TDRP: variants seen among roughly 807,000 people sequenced by gnomAD.
TDRP encodes testis development related protein.
In TDRP, 12 loss-of-function variants were observed where a neutral mutation model predicts 10.5. The observed-to-expected ratio is 1.15, with a 90% confidence interval of 0.73 to 1.86. The LOEUF (loss-of-function observed/expected upper bound fraction) is 1.86. TDRP is among the 40% of genes most tolerant of loss of function. The pLI is 0.00. For missense variants in TDRP, 353 were observed against 229.2 expected (o/e 1.54, Z -3.49); for synonymous variants, 139 against 95.4 (o/e 1.46, Z -2.67).
chr8:491,986 A>C lies in TDRP; in HGVS notation c.*413T>G, dbSNP rs1800989807. 5.4e-6 allele frequency: 6 copies of C among 1,120,126 alleles called. No homozygotes were observed. The highest frequency in any genetic ancestry group is 7.3e-5 in the South Asian group (2 of 27,258). The allele number at this position is 1,120,126 out of a possible 1,614,324, so 69.4% of individuals were successfully genotyped here. ...CCTGACTAATTTTCTAGCAAAAGAA[A>C]AGAACTGCATGACAGCTGCATTTAT... On this transcript the variant is annotated 3_prime_UTR_variant, in exon 3 of 3. Transcript: ENST00000324079.
intron 1 of TDRP, among the ~76,000 whole-genome samples, chr8:529,756 CTT>C (rs1802137637): frequency 1.3e-5 from 2 of 152,148 alleles, no homozygotes; most frequent in Non-Finnish European, 2.9e-5. Context: ...TGGGAGCTCC[CTT>C]GTTATATGAC....
chr8:536,211 G>C (rs1038169411), intron 1 of TDRP, among the ~76,000 whole-genome samples: 5 of 152,156 alleles, frequency 3.3e-5, no homozygotes, highest in African/African-American at 4.8e-5. Context: ...ACACAGTTGA[G>C]ACACCTGGAA....
chr8:497,316 A>C (rs1214932059), intron 1 of TDRP, among the ~76,000 whole-genome samples: 1 of 152,194 alleles, frequency 6.6e-6, no homozygotes, highest in African/African-American at 2.4e-5. Flanking sequence ...AACTTATCGG[A>C]AACTGGAGTA....
chr8:538,241 T>G (rs950154366), intron 1 of TDRP, among the ~76,000 whole-genome samples: 1 of 152,116 alleles, frequency 6.6e-6, no homozygotes, highest in Non-Finnish European at 1.5e-5. Flanking sequence ...TTGCTACAGG[T>G]GGGCCAAGAA....
In TDRP at chr8:518,293, G is replaced by C. The variant is rs117360527; in HGVS notation, c.109-23696C>G. On this transcript the variant is annotated intron_variant, in intron 1 of 2. Coordinates refer to ENST00000324079, the MANE Select transcript of TDRP (RefSeq NM_001384899.1). ...GTGAACTTGAAACTGCTATAAAAAA[G>C]AGTCTATTGAAAAAGAGAAGATGAC... Among the ~76,000 whole-genome samples, 69 of 152,188 alleles carry C rather than the reference G, an allele frequency of 4.5e-4. 1 individual carries two copies. The East Asian group carries it at 9.5e-3, about 21-fold the overall frequency.
intron 1 of TDRP, among the ~76,000 whole-genome samples, chr8:505,765 C>T (rs1011793673): frequency 6.6e-5 from 10 of 152,246 alleles, no homozygotes; most frequent in Non-Finnish European, 1.5e-5. Flanking sequence ...TCGTGAGCTG[C>T]TGTGTAAACA....
At chr8:506,592 C>G (rs1801471436) in intron 1 of TDRP, among the ~76,000 whole-genome samples, 1 of 152,194 alleles carries the variant, frequency 6.6e-6, no homozygotes, top group Admixed American at 6.5e-5. Flanking sequence ...TTCCTGGGCT[C>G]GAGAGGTGAC....
intron 1 of TDRP, among the ~76,000 whole-genome samples, chr8:531,392 T>A (rs1241209010): frequency 6.6e-6 from 1 of 152,158 alleles, no homozygotes; most frequent in Non-Finnish European, 1.5e-5. Context: ...TTATGGTGAA[T>A]TGGGCACCCG....
intron 1 of TDRP, among the ~76,000 whole-genome samples, chr8:537,787 T>G (rs1243696073): frequency 6.6e-6 from 1 of 152,170 alleles, no homozygotes; most frequent in African/African-American, 2.4e-5. Flanking sequence ...GACTCCAAGT[T>G]GCAAATCCTG....
At chr8:525,432 A>C (rs1802010281) in intron 1 of TDRP, among the ~76,000 whole-genome samples, 1 of 152,238 alleles carries the variant, frequency 6.6e-6, no homozygotes, top group Non-Finnish European at 1.5e-5. Context: ...ACTGTATTAT[A>C]CTGTTAAAGT....
intron 1 of TDRP, among the ~76,000 whole-genome samples, chr8:537,634 A>G (rs981923371): frequency 2.6e-5 from 4 of 152,172 alleles, no homozygotes; most frequent in African/African-American, 7.2e-5. Flanking sequence ...TTGGTCTTGT[A>G]AACAAGTAAG....
chr8:503,738 C>G (rs1270259868), intron 1 of TDRP, among the ~76,000 whole-genome samples: 3 of 144,440 alleles, frequency 2.1e-5, no homozygotes, highest in Admixed American at 2.1e-4. Context: ...CATCAGAACC[C>G]GTGCCCACCT....
In TDRP at chr8:540,300, C is replaced by T. The variant is rs565567030; in HGVS notation, c.108+4350G>A. Among the ~76,000 whole-genome samples the T allele has an allele frequency of 1.9e-4, 29 of 152,206 alleles. No individual in the cohort carries two copies. In the South Asian group the frequency reaches 5.0e-3, roughly 26 times the overall value. ...TTTTTTCCAACTAGCAGTACTGAAA[C>T]GGGAAGCACTCCATGAGACACATAT... On this transcript the variant is annotated intron_variant, in intron 1 of 2. Coordinates refer to ENST00000324079, the MANE Select transcript of TDRP (RefSeq NM_001384899.1).
intron 1 of TDRP, among the ~76,000 whole-genome samples, chr8:523,348 G>C (rs1393946202): frequency 6.6e-6 from 1 of 152,120 alleles, no homozygotes; most frequent in East Asian, 1.9e-4. Flanking sequence ...GGTGGAGTAA[G>C]ATGGCTGAAT....
chr8:520,766 C>T (rs1024664031), intron 1 of TDRP, among the ~76,000 whole-genome samples: 1 of 152,158 alleles, frequency 6.6e-6, no homozygotes, highest in African/African-American at 2.4e-5. Context: ...CTACTCAAGT[C>T]CATTGCCCAT....
At chr8:541,662 C>T (rs944394597) in intron 1 of TDRP, among the ~76,000 whole-genome samples, 1 of 152,180 alleles carries the variant, frequency 6.6e-6, no homozygotes, top group Non-Finnish European at 1.5e-5. Context: ...AAAAGATGCT[C>T]ATGTCATTTA....
intron 1 of TDRP, among the ~76,000 whole-genome samples, chr8:528,787 ATATT>A (rs1802104635): frequency 2.0e-5 from 3 of 152,118 alleles, no homozygotes; most frequent in African/African-American, 4.8e-5. Flanking sequence ...ATATATACAT[ATATT>A]TATTTATATA....
chr8:514,907 G>T (rs1401899917), intron 1 of TDRP, among the ~76,000 whole-genome samples: 1 of 152,124 alleles, frequency 6.6e-6, no homozygotes, highest in Non-Finnish European at 1.5e-5. Flanking sequence ...TTAAAATTAA[G>T]ATTCTCACTT....
chr8:503,357 A>G (rs1280478650), intron 1 of TDRP, among the ~76,000 whole-genome samples: 1 of 151,654 alleles, frequency 6.6e-6, no homozygotes, highest in Admixed American at 6.6e-5. Flanking sequence ...ACGTGTCAAC[A>G]TGGAATCCAG....
Sources: allele counts gnomAD v4.1 joint callset (sites outside exome capture counted in the v4.1 genomes callset), GRCh38; gene constraint gnomAD v4.1.1; transcripts MANE v1.5; gene names NCBI Gene and HGNC (gene_info 2026-07-23, HGNC 2026-07-21).